The following KNTC1 variants were observed in gnomAD, a reference collection of about 807,000 sequenced individuals.
KNTC1 encodes kinetochore associated 1.
A neutral mutation model predicts 314.4 loss-of-function variants in KNTC1; 253 were observed. The observed-to-expected ratio is 0.80, with a 90% CI of 0.73 to 0.89. KNTC1 has a LOEUF of 0.89. KNTC1 is among the 40% of genes least tolerant of loss of function. The pLI is 0.00. For missense variants in KNTC1, 2,475 were observed against 2,572.9 expected (o/e 0.96, Z 0.82); for synonymous variants, 901 against 901.4 (o/e 1.00, Z 0.01).
chr12:122,569,253 T>C (rs1317383659), intron 21 of KNTC1, among the ~76,000 whole-genome samples: 2 of 152,238 alleles, frequency 1.3e-5, no homozygotes, highest in African/African-American at 4.8e-5. Context: ...GTGAAGAAGA[T>C]GTTGCTACTG....
chr12:122,585,597 G>T (rs375755435), intron 36 of KNTC1, 39 bp from the exon 37 acceptor site: 22 of 1,609,012 alleles, frequency 1.4e-5, no homozygotes, highest in Non-Finnish European at 1.9e-5. Context: ...GTTGTGCAGC[G>T]TACTGAGTTC....
intron 20 of KNTC1, among the ~76,000 whole-genome samples, chr12:122,563,040 A>C (rs1271836070): frequency 1.3e-5 from 2 of 151,894 alleles, no homozygotes; most frequent in Non-Finnish European, 2.9e-5. Context: ...TTTAGATTAT[A>C]AGTTACATAG....
intron 55 of KNTC1, among the ~76,000 whole-genome samples, chr12:122,614,293 A>G (rs879480505): frequency 2.6e-5 from 4 of 152,164 alleles, no homozygotes; most frequent in Non-Finnish European, 5.9e-5. Context: ...GAGCACTTTT[A>G]TAATCTCTTC....
At chr12:122,562,439 TTG>T (rs4039211) in intron 19 of KNTC1, among the ~76,000 whole-genome samples, 197 bp from the exon 20 acceptor site, 7,733 of 144,930 alleles carry the variant, frequency 0.053, 427 homozygotes, top group African/African-American at 0.16. Flanking sequence ...ATCCCATGTT[TTG>T]TGTGTGTGTG....
chr12:122,530,849 T>C (rs1961255980), intron 2 of KNTC1, among the ~76,000 whole-genome samples: 1 of 152,208 alleles, frequency 6.6e-6, no homozygotes, highest in Non-Finnish European at 1.5e-5. Flanking sequence ...TCCTGTTTCC[T>C]ACCAGAGTCA....
intron 51 of KNTC1, among the ~76,000 whole-genome samples, chr12:122,606,841 C>T (rs1217563511): frequency 1.3e-5 from 2 of 152,004 alleles, no homozygotes; most frequent in Admixed American, 6.6e-5. Context: ...CCCCCTTACC[C>T]CCTGAATATT....
At chr12:122,601,183 C>CA (rs1296860453) in intron 44 of KNTC1, among the ~76,000 whole-genome samples, 7 of 151,842 alleles carry the variant, frequency 4.6e-5, no homozygotes, top group Non-Finnish European at 5.9e-5. Flanking sequence ...CCCGGGTTCA[C>CA]ACCATTCTCC....
chr12:122,553,542 T>TA (rs899350970), intron 16 of KNTC1, among the ~76,000 whole-genome samples: 108 of 148,918 alleles, frequency 7.3e-4, no homozygotes, highest in Non-Finnish European at 1.4e-3. Flanking sequence ...AAATTAAAAT[T>TA]AAAAAAAAAA....
In KNTC1 at chr12:122,613,709, C is replaced by T. The variant is rs1476948976; in HGVS notation, c.5825C>T (p.Pro1942Leu). The change falls in exon 55 of 64, where the codon CCT (proline) becomes CTT (leucine). Residue 1942 changes from proline to leucine, a missense_variant. Pro to Leu is a moderately conservative substitution (Grantham distance 98). Coordinates refer to ENST00000333479, the MANE Select transcript of KNTC1 (RefSeq NM_014708.6). ...ACATATGAATTATTTTGCAGCAGTC[C>T]TAAAGAAGGAATGATTAAGGGTCTG... ...PITYELFCSS[P>L]KEGMIKGLWK... 1 of 1,613,062 alleles carries T rather than the reference C, an allele frequency of 6.2e-7. No individual in the cohort carries two copies. The highest frequency in any genetic ancestry group is 1.1e-5 in the South Asian group (1 of 90,928).
At position 122,599,654 on chromosome 12, in the gene KNTC1, A is replaced by C. The variant is rs564568952; in HGVS notation, c.4563+1716A>C. 2.6e-5 allele frequency among the ~76,000 whole-genome samples: 4 copies of C among 152,156 alleles called. No homozygotes were observed. The South Asian group carries it at 6.2e-4, about 24-fold the overall frequency. On this transcript the variant is annotated intron_variant, in intron 44 of 63. Transcript: ENST00000333479. ...GCATGAGCCACTGTGCCCAGCCTGG[A>C]AATAAAATTTTAAGCCTGAAATAAA...
intron 32 of KNTC1, 81 bp downstream of exon 32, chr12:122,580,058 C>CA: frequency 1.1e-6 from 1 of 885,488 alleles, no homozygotes; most frequent in Non-Finnish European, 1.8e-6. Flanking sequence ...AGACAACTCT[C>CA]ACCGTACCCG....
At chr12:122,554,069 A>AT (rs1565949037) in intron 16 of KNTC1, among the ~76,000 whole-genome samples, 2 of 70,930 alleles carry the variant, frequency 2.8e-5, no homozygotes, top group Admixed American at 1.3e-4. Context: ...TTCCTTAAAA[A>AT]AAAAAAAATA....
intron 51 of KNTC1, 105 bp downstream of exon 51, chr12:122,605,520 C>T (rs764931412): frequency 1.1e-4 from 67 of 588,834 alleles, no homozygotes; most frequent in Middle Eastern, 5.3e-4. Flanking sequence ...TAATTAGGAG[C>T]GCAGACTCTT....
At chr12:122,555,065 ACT>A (rs1963488818) in intron 16 of KNTC1, among the ~76,000 whole-genome samples, 1 of 151,720 alleles carries the variant, frequency 6.6e-6, no homozygotes, top group South Asian at 2.1e-4. Context: ...AACAAAATCG[ACT>A]CTGTAACTTT....
chr12:122,616,322 G>T (rs1181471350), intron 57 of KNTC1, among the ~76,000 whole-genome samples: 2 of 150,318 alleles, frequency 1.3e-5, no homozygotes. Flanking sequence ...GAGTGCAGTT[G>T]TGTGATCTCG....
chr12:122,571,187 T>C lies in KNTC1; in HGVS notation c.2019+61T>C, dbSNP rs891178598. The C allele has an allele frequency of 1.3e-5, 16 of 1,243,028 alleles. No individual in the cohort carries two copies. In the African/African-American group the frequency reaches 1.8e-4, roughly 14 times the overall value. 77.0% of individuals were successfully genotyped at this position (1,243,028 alleles called of 1,614,324 possible). On this transcript the variant is annotated intron_variant, in intron 24 of 63. Transcript: ENST00000333479. Reference sequence around the variant, plus strand: ...GTCAGTTTACCTGAAAGGGTTTGTCTGCATGTATGTGAAGTATCTGGAAAT... The same window carrying C: ...GTCAGTTTACCTGAAAGGGTTTGTCCGCATGTATGTGAAGTATCTGGAAAT...
At position 122,603,063 on chromosome 12, in the gene KNTC1, C is replaced by G; in HGVS notation, c.4921C>G (p.His1641Asp). 1.2e-6 allele frequency: 2 copies of G among 1,613,742 alleles called. No individual in the cohort carries two copies. Among genetic ancestry groups the G allele is most frequent in the Non-Finnish European group, 1.7e-6 (2 of 1,179,832 alleles). The change falls in exon 48 of 64, where the codon CAC becomes GAC. Residue 1641 changes from histidine (H) to aspartate (D), a missense_variant. Physicochemically the swap from His to Asp is moderately conservative, Grantham distance 81 (BLOSUM62 -1). Coordinates refer to ENST00000333479, the MANE Select transcript of KNTC1 (RefSeq NM_014708.6). ...CACTCTGTACGTGTCTACAGCAAAACACGTTTTCGAAAAAAAACTGAAGCC... is the reference window on the plus strand; with the variant it reads ...CACTCTGTACGTGTCTACAGCAAAAGACGTTTTCGAAAAAAAACTGAAGCC... ...LDTLYVSTAK[H>D]VFEKKLKPKL...
chr12:122,622,132 CA>C (rs1278012906), intron 61 of KNTC1, among the ~76,000 whole-genome samples, 162 bp downstream of exon 61: 1 of 152,154 alleles, frequency 6.6e-6, no homozygotes, highest in African/African-American at 2.4e-5. Flanking sequence ...TTTTAAGAGG[CA>C]GGGACCCTGA....
intron 37 of KNTC1, 67 bp from the exon 38 acceptor site, chr12:122,586,634 G>T: frequency 1.6e-6 from 1 of 606,854 alleles, no homozygotes; most frequent in Non-Finnish European, 2.6e-6. Flanking sequence ...ATTGCATAGT[G>T]ATGAAGTCTG....
Sources: gnomAD v4.1 joint callset for allele counts (sites outside exome capture counted in the v4.1 genomes callset) on GRCh38, gnomAD v4.1.1 for gene constraint, MANE v1.5 for transcripts, NCBI Gene and HGNC (gene_info 2026-07-23, HGNC 2026-07-21) for gene names.